SFSWAP: variants seen among roughly 807,000 people sequenced by gnomAD.
SFSWAP encodes the protein splicing factor, suppressor of white-apricot homolog.
In SFSWAP, 17 loss-of-function variants were observed where a neutral mutation model predicts 100.7. That is an observed-to-expected ratio of 0.17 (90% CI 0.12 to 0.25). The LOEUF (loss-of-function observed/expected upper bound fraction) is 0.25. Among genes scored for constraint, SFSWAP ranks in the 10% least tolerant of loss-of-function variants. The pLI is 1.00. For synonymous variants in SFSWAP, 504 were observed against 510.1 expected (o/e 0.99, Z 0.16); for missense variants, 1,005 against 1,262.6 (o/e 0.80, Z 3.09).
chr12:131,766,064 A>G (rs1883092238), intron 12 of SFSWAP, 54 bp from the exon 13 acceptor site: 2 of 1,523,774 alleles, frequency 1.3e-6, no homozygotes, highest in Non-Finnish European at 1.8e-6. Flanking sequence ...AATTAAGATC[A>G]GATAAAATAC....
At chr12:131,784,988 T>G (rs962574849) in intron 14 of SFSWAP, 1 of 1,126,230 alleles carries the variant, frequency 8.9e-7, no homozygotes, top group African/African-American at 1.6e-5. Flanking sequence ...TAGCTTTGAA[T>G]AAGCAGAGCT....
Position 131,797,282 on chromosome 12 carries a change from C to A in SFSWAP, c.2639C>A (p.Ala880Glu). 2 of 1,611,296 alleles carry A rather than the reference C, an allele frequency of 1.2e-6. No homozygotes were observed. Among genetic ancestry groups the A allele is most frequent in the Non-Finnish European group, 1.7e-6 (2 of 1,178,964 alleles). The change falls in exon 16 of 18, where the codon GCG becomes GAG. Residue 880 changes from alanine (A) to glutamate (E), a missense_variant. Ala to Glu is a moderately radical substitution (Grantham distance 107). This residue lies in a region of SFSWAP where 295 missense variants were observed against 347.9 expected (regional missense o/e 0.85). Transcript: ENST00000261674. ...AGCAAGCAGGCAGCGCCCCGGCCCG[C>A]GGCCCCCGCGGCCCACTCGGCGCAC... ...SPSKQAAPRP[A>E]APAAHSAHSA... is the part of the protein sequence containing the mutation.
intron 7 of SFSWAP, among the ~76,000 whole-genome samples, chr12:131,728,920 C>T (rs1879250841): frequency 6.6e-6 from 1 of 152,028 alleles, no homozygotes; most frequent in Admixed American, 6.5e-5. Context: ...GTCTCGAGCT[C>T]CTGGGCTTAA....
chr12:131,749,860 C>T (rs901814085), intron 7 of SFSWAP, among the ~76,000 whole-genome samples: 2 of 152,188 alleles, frequency 1.3e-5, no homozygotes, highest in African/African-American at 4.8e-5. Flanking sequence ...TGCCATAGGG[C>T]GTTGTTTACA....
chr12:131,735,961 A>ATT (rs1879977857), intron 7 of SFSWAP, among the ~76,000 whole-genome samples: 1 of 152,242 alleles, frequency 6.6e-6, no homozygotes, highest in Non-Finnish European at 1.5e-5. Flanking sequence ...AAAAAATAAG[A>ATT]GAGACTCTAC....
intron 14 of SFSWAP, among the ~76,000 whole-genome samples, chr12:131,782,877 A>G (rs374750353): frequency 6.6e-6 from 1 of 152,162 alleles, no homozygotes; most frequent in East Asian, 1.9e-4. Context: ...GGTAGTATTT[A>G]GTGTCTTTTA....
intron 14 of SFSWAP, among the ~76,000 whole-genome samples, chr12:131,780,346 C>T (rs1364011962): frequency 6.6e-6 from 1 of 152,182 alleles, no homozygotes; most frequent in East Asian, 1.9e-4. Context: ...TATATCGAAG[C>T]TTTTTAAAAA....
intron 3 of SFSWAP, among the ~76,000 whole-genome samples, chr12:131,717,188 AT>A (rs977186925): frequency 7.9e-5 from 12 of 152,002 alleles, no homozygotes; most frequent in African/African-American, 2.2e-4. Context: ...TTAAAATAAA[AT>A]TTTTTTTCCT....
Position 131,799,508 on chromosome 12 carries a change from G to C in SFSWAP, c.*20G>C. ...TCCTGAGACGGGGCCAGCGGAGGCA[G>C]AGCCGGGAGGCTGCGTGGGCTTCTG... is the stretch of plus-strand genomic sequence containing the variant. On this transcript the variant is annotated 3_prime_UTR_variant, in exon 18 of 18. Coordinates refer to ENST00000261674, the MANE Select transcript of SFSWAP (RefSeq NM_004592.4). 1 of 1,611,628 alleles carries C rather than the reference G, an allele frequency of 6.2e-7. No homozygotes were observed. The highest frequency in any genetic ancestry group is 8.5e-7 in the Non-Finnish European group (1 of 1,178,594).
At chr12:131,795,414 G>T (rs367919798) in intron 15 of SFSWAP, among the ~76,000 whole-genome samples, 2 of 152,324 alleles carry the variant, frequency 1.3e-5, no homozygotes, top group Admixed American at 6.5e-5. Context: ...TGCATATCGG[G>T]GCTGTCCCTA....
chr12:131,782,043 A>G (rs1884546406), intron 14 of SFSWAP, among the ~76,000 whole-genome samples: 1 of 152,156 alleles, frequency 6.6e-6, no homozygotes, highest in Non-Finnish European at 1.5e-5. Flanking sequence ...GACATAAGTT[A>G]AACAAGCTAG....
chr12:131,725,504 C>T lies in SFSWAP; in HGVS notation c.706C>T (p.Arg236Trp), dbSNP rs765787068. ...FEIMLKAKQARNSQFDFLRFD... is the reference protein window; with the variant it reads ...FEIMLKAKQAWNSQFDFLRFD... ...GATCATGCTGAAGGCCAAGCAGGCC[C>T]GGAACTCCCAGTTTGACTTTCTGCG... Residue 236 changes from arginine (R) to tryptophan (W), a missense_variant, in exon 5 of 18, where the codon CGG becomes TGG. This residue lies in a region of SFSWAP where 237 missense variants were observed against 337.0 expected (regional missense o/e 0.70). Transcript: ENST00000261674. This position sits in a 1 kb window ranked among gnomAD's most constrained non-coding sequence, Gnocchi z 4.3. 6.8e-6 allele frequency: 11 copies of T among 1,614,024 alleles called. No individual in the cohort carries two copies. In the East Asian group the frequency reaches 1.3e-4, roughly 20 times the overall value.
At chr12:131,747,469 G>T (rs1881239226) in intron 7 of SFSWAP, among the ~76,000 whole-genome samples, 1 of 152,226 alleles carries the variant, frequency 6.6e-6, no homozygotes, top group Non-Finnish European at 1.5e-5. Context: ...GGAGAAGCAG[G>T]CAGGTGGGTT....
chr12:131,713,976 G>A, intron 1 of SFSWAP, 95 bp from the exon 2 acceptor site: 2 of 740,676 alleles, frequency 2.7e-6, no homozygotes, highest in East Asian at 2.9e-5. Context: ...CGGTAAGTAT[G>A]TGTGTGTATA....
intron 6 of SFSWAP, 77 bp downstream of exon 6, chr12:131,727,129 C>T: frequency 8.7e-6 from 7 of 807,748 alleles, no homozygotes; most frequent in African/African-American, 1.7e-5. Context: ...AAATTTGAAG[C>T]ATGTCATTCT....
chr12:131,754,816 A>G (rs1212560013), intron 9 of SFSWAP, among the ~76,000 whole-genome samples: 1 of 151,698 alleles, frequency 6.6e-6, no homozygotes, highest in Non-Finnish European at 1.5e-5. Context: ...GTATTTTGGT[A>G]GAGACAGGGT....
At chr12:131,753,876 C>T (rs184731545) in intron 8 of SFSWAP, among the ~76,000 whole-genome samples, 180 of 152,130 alleles carry the variant, frequency 1.2e-3, no homozygotes, top group Non-Finnish European at 2.1e-3. Flanking sequence ...GTTCAGGGGA[C>T]GAGTATGAGA....
Position 131,733,198 on chromosome 12 carries a change from G to A in SFSWAP, c.1081+4770G>A, listed in dbSNP as rs1178544073. Among the ~76,000 whole-genome samples, 7 of 152,246 alleles carry A rather than the reference G, an allele frequency of 4.6e-5. No individual in the cohort carries two copies. The highest frequency in any genetic ancestry group is 1.9e-4 in the East Asian group (1 of 5,172). On this transcript the variant is annotated intron_variant, in intron 7 of 17. Transcript: ENST00000261674. The surrounding 1 kb of genome is among the most constrained non-coding windows in gnomAD (Gnocchi z 5.1). ...TATGAGAGCGGGCGGGGGATGGCGC[G>A]GTCTCCCTGGTACTTACTGGGCAGG...
chr12:131,792,040 G>A (rs138786056), intron 15 of SFSWAP, among the ~76,000 whole-genome samples: 1,640 of 140,796 alleles, frequency 0.012, 31 homozygotes, highest in African/African-American at 0.039. Context: ...GTGTGTTCAC[G>A]GATCAGTACT....
Sources: allele counts gnomAD v4.1 joint callset (sites outside exome capture counted in the v4.1 genomes callset), GRCh38; gene constraint gnomAD v4.1.1; regional missense constraint gnomAD v4.1.1; non-coding constraint Gnocchi (gnomAD v3.1); transcripts MANE v1.5; gene names NCBI Gene and HGNC (gene_info 2026-07-23, HGNC 2026-07-21).